Variants in FRMD4A observed in about 807,000 individuals in gnomAD.
FRMD4A encodes the protein FERM domain containing 4A, also known as FERM domain-containing protein 4A.
Under a neutral mutation model 129.1 loss-of-function variants are expected in FRMD4A, and 29 were observed. That is an observed-to-expected ratio of 0.22 (90% CI 0.17 to 0.31). The LOEUF (loss-of-function observed/expected upper bound fraction) is 0.31, where lower values mean the gene tolerates loss of function less well. Ranked by LOEUF, FRMD4A falls within the 10% of genes least tolerant of loss-of-function variation. The probability of loss-of-function intolerance (pLI) is 1.00; values close to 1 mark genes in which losing one functional copy is unlikely to be tolerated. For synonymous variants in FRMD4A, 634 were observed against 571.6 expected (o/e 1.11, Z -1.56); for missense variants, 1,272 against 1,375.8 (o/e 0.92, Z 1.19).
chr10:14,132,170 C>T (rs1179544636), intron 2 of FRMD4A, among the ~76,000 whole-genome samples: 1 of 152,122 alleles, frequency 6.6e-6, no homozygotes, highest in South Asian at 2.1e-4. Flanking sequence ...CTGCTGTAGT[C>T]CCAGCTACTT....
intron 14 of FRMD4A, among the ~76,000 whole-genome samples, chr10:13,699,988 G>T (rs2086643716): frequency 1.3e-5 from 2 of 152,300 alleles, no homozygotes; most frequent in Admixed American, 1.3e-4. Context: ...CAAAAAGGGG[G>T]TCAGAAAGTA....
At chr10:14,120,627 T>C (rs1244558552) in intron 2 of FRMD4A, among the ~76,000 whole-genome samples, 1 of 152,224 alleles carries the variant, frequency 6.6e-6, no homozygotes, top group African/African-American at 2.4e-5. Flanking sequence ...CCAAACCTTC[T>C]TCCTGAGCAT....
At chr10:14,056,140 T>TTC (rs1834518818) in intron 2 of FRMD4A, among the ~76,000 whole-genome samples, 1 of 152,180 alleles carries the variant, frequency 6.6e-6, no homozygotes, top group Non-Finnish European at 1.5e-5. Context: ...CAAGCAATTC[T>TTC]TCTGCCTCAG....
At chr10:13,825,367 C>T (rs181511652) in intron 3 of FRMD4A, among the ~76,000 whole-genome samples, 2 of 152,280 alleles carry the variant, frequency 1.3e-5, no homozygotes, top group Admixed American at 6.5e-5. Context: ...CAGTACTGGT[C>T]CGTGGCCTGT....
At chr10:13,805,195 G>A (rs1231086921) in intron 4 of FRMD4A, among the ~76,000 whole-genome samples, 4 of 151,702 alleles carry the variant, frequency 2.6e-5, no homozygotes, top group Non-Finnish European at 5.9e-5. Context: ...CCAGGCAGGA[G>A]AGCAGTGGCG....
chr10:14,078,287 G>A (rs1162341534), intron 2 of FRMD4A, among the ~76,000 whole-genome samples: 1 of 152,194 alleles, frequency 6.6e-6, no homozygotes, highest in African/African-American at 2.4e-5. Context: ...GGGTCATTAA[G>A]CTGTGTCCTT....
intron 3 of FRMD4A, among the ~76,000 whole-genome samples, chr10:13,837,515 C>T (rs2093895716): frequency 6.6e-6 from 1 of 152,342 alleles, no homozygotes; most frequent in South Asian, 2.1e-4. Context: ...GGGGAGACTA[C>T]AGCAGTTACA....
At chr10:14,282,194 A>G (rs769985081) in intron 2 of FRMD4A, among the ~76,000 whole-genome samples, 2 of 152,164 alleles carry the variant, frequency 1.3e-5, no homozygotes, top group Non-Finnish European at 2.9e-5. Flanking sequence ...CCCTCCCACA[A>G]TGTGTGGGAA....
chr10:14,185,593 A>T (rs928671748), intron 2 of FRMD4A, among the ~76,000 whole-genome samples: 1 of 149,604 alleles, frequency 6.7e-6, no homozygotes, highest in Admixed American at 6.8e-5. Context: ...TAAGAAAGAG[A>T]AACAGGTAGA....
chr10:14,031,508 T>C (rs1231068947), intron 2 of FRMD4A, among the ~76,000 whole-genome samples: 1 of 152,210 alleles, frequency 6.6e-6, no homozygotes, highest in African/African-American at 2.4e-5. Context: ...CCTCAGGTGA[T>C]CCACCTGCCT....
At chr10:13,798,941 T>C (rs2091577) in intron 4 of FRMD4A, among the ~76,000 whole-genome samples, 49,117 of 151,994 alleles carry the variant, frequency 0.32, 8,528 homozygotes, top group East Asian at 0.5. Flanking sequence ...CCAGTAGGCC[T>C]TTCCCTTCCT....
intron 6 of FRMD4A, among the ~76,000 whole-genome samples, chr10:13,777,250 G>T (rs754067310): frequency 6.6e-5 from 10 of 152,226 alleles, no homozygotes; most frequent in Non-Finnish European, 1.3e-4. Context: ...GAGTCACTTA[G>T]CCTCTCTGTA....
At chr10:14,012,002 G>A (rs149348997) in intron 2 of FRMD4A, among the ~76,000 whole-genome samples, 2 of 148,748 alleles carry the variant, frequency 1.3e-5, no homozygotes, top group Non-Finnish European at 3.0e-5. Flanking sequence ...GACAGCATGA[G>A]ACTCTGTCTC....
intron 2 of FRMD4A, among the ~76,000 whole-genome samples, chr10:14,092,432 G>C (rs1487369428): frequency 1.3e-5 from 2 of 152,222 alleles, no homozygotes; most frequent in East Asian, 1.9e-4. Context: ...CAGTGAGGCA[G>C]GGCTGGGAAT....
intron 2 of FRMD4A, among the ~76,000 whole-genome samples, chr10:13,930,369 T>A (rs1287691459): frequency 6.6e-6 from 1 of 152,226 alleles, no homozygotes; most frequent in Non-Finnish European, 1.5e-5. Context: ...ACTCTCTGGC[T>A]TCTCCGTTAA....
chr10:14,326,775 G>A (rs1455216510), intron 2 of FRMD4A: 2 of 398,224 alleles, frequency 5.0e-6, no homozygotes, highest in East Asian at 3.6e-5. Context: ...CAAATGACAC[G>A]TAGCCAAGAG....
At chr10:14,196,458 T>G (rs7072686) in intron 2 of FRMD4A, among the ~76,000 whole-genome samples, 19,322 of 152,206 alleles carry the variant, frequency 0.13, 2,633 homozygotes, top group African/African-American at 0.34. Context: ...GGGCATAAGT[T>G]ATTCAAATCA....
intron 2 of FRMD4A, among the ~76,000 whole-genome samples, chr10:13,944,488 A>G (rs1368985903): frequency 1.3e-5 from 2 of 152,156 alleles, no homozygotes; most frequent in African/African-American, 4.8e-5. Context: ...CAATGTAATA[A>G]TAATAGAAAT....
At chr10:13,731,536 T>C (rs979038835) in intron 12 of FRMD4A, among the ~76,000 whole-genome samples, 6 of 151,404 alleles carry the variant, frequency 4.0e-5, no homozygotes, top group Non-Finnish European at 7.4e-5. Context: ...GTAATCCTAG[T>C]TACTCGGGAG....
Sources: allele counts gnomAD v4.1 joint callset (sites outside exome capture counted in the v4.1 genomes callset), GRCh38; gene constraint gnomAD v4.1.1; transcripts MANE v1.5; gene names NCBI Gene and HGNC (gene_info 2026-07-23, HGNC 2026-07-21).